The following TDRD3 variants were observed in gnomAD, a reference collection of about 807,000 sequenced individuals.
TDRD3 encodes tudor domain-containing protein 3.
TDRD3 carries 45 observed loss-of-function variants against 86.7 expected under a neutral mutation model. That is an observed-to-expected ratio of 0.52 (90% CI 0.41 to 0.67). The LOEUF (loss-of-function observed/expected upper bound fraction) is 0.67, where lower values mean the gene tolerates loss of function less well. Among genes scored for constraint, TDRD3 ranks in the 30% least tolerant of loss-of-function variants. The pLI is 0.00. For missense variants in TDRD3, 814 were observed against 889.0 expected (o/e 0.92, Z 1.07); for synonymous variants, 298 against 301.7 (o/e 0.99, Z 0.13).
chr13:60,525,714 G>A (rs1031742308), intron 10 of TDRD3, among the ~76,000 whole-genome samples: 1 of 152,060 alleles, frequency 6.6e-6, no homozygotes, highest in African/African-American at 2.4e-5. Flanking sequence ...TAAATAATAA[G>A]CTGTTCAGGA....
intron 5 of TDRD3, among the ~76,000 whole-genome samples, chr13:60,482,207 C>G (rs1956332492): frequency 6.6e-6 from 1 of 152,158 alleles, no homozygotes; most frequent in Admixed American, 6.5e-5. Context: ...CTTTCTGAAA[C>G]AGCCCCACAA....
intron 6 of TDRD3, chr13:60,484,552 T>C: frequency 2.7e-6 from 1 of 364,962 alleles, no homozygotes; most frequent in South Asian, 2.2e-5. Flanking sequence ...TGTCCAAATT[T>C]TGGTATTTAG....
intron 12 of TDRD3, among the ~76,000 whole-genome samples, chr13:60,557,235 C>G (rs1265412161): frequency 1.3e-5 from 2 of 151,028 alleles, no homozygotes. Context: ...AAAGTAGTTC[C>G]TGAAGTTCAG....
rs572627150 is a variant in TDRD3, at chr13:60,501,461, T to C, written c.858+6886T>C. Among the ~76,000 whole-genome samples the C allele has an allele frequency of 1.5e-3, 226 of 152,360 alleles. 2 individuals are homozygous for C. The highest frequency in any genetic ancestry group is 2.4e-3 in the Non-Finnish European group (162 of 68,038). ...CACTAATATAAATGGAACATTCCTT[T>C]TGGGATAAGTAGCATTGGATTTGGA... On this transcript the variant is annotated intron_variant, in intron 8 of 13. Coordinates refer to ENST00000377881, the MANE Select transcript of TDRD3 (RefSeq NM_001146070.2).
intron 2 of TDRD3, among the ~76,000 whole-genome samples, chr13:60,442,826 T>G (rs540191228): frequency 6.6e-6 from 1 of 152,010 alleles, no homozygotes; most frequent in African/African-American, 2.4e-5. Flanking sequence ...GACAGTGTCC[T>G]AGATCATATG....
chr13:60,397,269 TTTC>T lies in TDRD3; in HGVS notation c.-93_-91del, dbSNP rs931956967. The stretch of plus-strand genomic sequence containing the variant: ...CGACCAGAGGAGTTTTTTCTTTTCT[TTTC>T]TTTTTTTTTTTTTAAGGGGGGGGGT... On this transcript the variant is annotated 5_prime_UTR_variant, in exon 1 of 14. Coordinates refer to ENST00000377881, the MANE Select transcript of TDRD3 (RefSeq NM_001146070.2). 2.6e-5 allele frequency: 19 copies of T among 730,312 alleles called. No individual in the cohort carries two copies. Among genetic ancestry groups the T allele is most frequent in the African/African-American group, 1.7e-4 (9 of 51,484 alleles). 45.2% of individuals were successfully genotyped at this position (730,312 alleles called of 1,614,324 possible). A position where few individuals can be genotyped will look rare whatever the true frequency, so the allele number is the denominator to read the frequency against.
intron 12 of TDRD3, among the ~76,000 whole-genome samples, chr13:60,549,568 T>C (rs1169112190): frequency 6.6e-6 from 1 of 152,158 alleles, no homozygotes; most frequent in African/African-American, 2.4e-5. Context: ...TTGAGCATTC[T>C]AAGACACGTG....
chr13:60,415,742 T>C (rs1035827675), intron 1 of TDRD3, among the ~76,000 whole-genome samples: 16 of 152,140 alleles, frequency 1.1e-4, no homozygotes, highest in African/African-American at 3.9e-4. Flanking sequence ...GGAACTACCA[T>C]GTCCAGAGAT....
chr13:60,572,221 A>G (rs1007808110), intron 13 of TDRD3, among the ~76,000 whole-genome samples: 1 of 152,198 alleles, frequency 6.6e-6, no homozygotes, highest in Non-Finnish European at 1.5e-5. Context: ...CGAGGGAAGC[A>G]GAGTCCACAG....
intron 5 of TDRD3, among the ~76,000 whole-genome samples, chr13:60,472,017 G>A (rs1451807556): frequency 6.6e-6 from 1 of 151,896 alleles, no homozygotes; most frequent in Non-Finnish European, 1.5e-5. Context: ...TTTATATATG[G>A]CTTTTATCAG....
intron 12 of TDRD3, among the ~76,000 whole-genome samples, chr13:60,555,786 C>T (rs1958167724): frequency 6.6e-6 from 1 of 151,198 alleles, no homozygotes; most frequent in South Asian, 2.1e-4. Flanking sequence ...GAGGTATCAG[C>T]TGGTACTTTT....
intron 3 of TDRD3, among the ~76,000 whole-genome samples, chr13:60,453,672 G>C (rs1388887162): frequency 6.6e-6 from 1 of 151,900 alleles, no homozygotes; most frequent in Non-Finnish European, 1.5e-5. Context: ...GGCTGCTCTT[G>C]GCTAGATCAC....
At chr13:60,531,297 T>C (rs11619387) in intron 11 of TDRD3, among the ~76,000 whole-genome samples, 19 of 152,334 alleles carry the variant, frequency 1.2e-4, no homozygotes, top group Middle Eastern at 6.8e-3. Flanking sequence ...CAGACTACTT[T>C]CCAAAATTCA....
intron 8 of TDRD3, among the ~76,000 whole-genome samples, chr13:60,503,515 A>T (rs1309808199): frequency 2.6e-5 from 4 of 152,208 alleles, no homozygotes; most frequent in Non-Finnish European, 5.9e-5. Context: ...TCACCAAAAT[A>T]TAACTTAAAG....
Position 60,547,834 on chromosome 13 carries a change from C to T in TDRD3, c.2118+12601C>T, listed in dbSNP as rs188569492. The stretch of plus-strand genomic sequence containing the variant: ...ACTATACAGAGTGGATTATTATGAC[C>T]CCTTCTTAACCTTCCCACTCTCACC... On this transcript the variant is annotated intron_variant, in intron 12 of 13. Coordinates refer to ENST00000377881, the MANE Select transcript of TDRD3 (RefSeq NM_001146070.2). Among the ~76,000 whole-genome samples, 352 of 152,130 alleles carry T rather than the reference C, an allele frequency of 2.3e-3. 3 individuals are homozygous for T. Among genetic ancestry groups the T allele is most frequent in the African/African-American group, 8.0e-3 (332 of 41,520 alleles).
At chr13:60,496,634 A>G (rs1169401840) in intron 8 of TDRD3, among the ~76,000 whole-genome samples, 1 of 152,082 alleles carries the variant, frequency 6.6e-6, no homozygotes, top group African/African-American at 2.4e-5. Context: ...TCTATACATA[A>G]TACCTTTGAC....
chr13:60,503,995 G>T (rs1173060581), intron 8 of TDRD3, among the ~76,000 whole-genome samples: 2 of 152,016 alleles, frequency 1.3e-5, no homozygotes, highest in African/African-American at 4.8e-5. Flanking sequence ...AGAAAACCTT[G>T]CTGTGCTTTT....
chr13:60,397,783 C>T (rs1170467987), intron 1 of TDRD3, among the ~76,000 whole-genome samples: 1 of 151,658 alleles, frequency 6.6e-6, no homozygotes, highest in Non-Finnish European at 1.5e-5. Flanking sequence ...GGGGGTGTTT[C>T]TGCAGCGGGA....
At chr13:60,530,373 T>C (rs1957552421) in intron 11 of TDRD3, among the ~76,000 whole-genome samples, 1 of 152,132 alleles carries the variant, frequency 6.6e-6, no homozygotes, top group Non-Finnish European at 1.5e-5. Flanking sequence ...TAAAAACGTA[T>C]GTAAGGGAGT....
Sources: gnomAD v4.1 joint callset for allele counts (sites outside exome capture counted in the v4.1 genomes callset) on GRCh38, gnomAD v4.1.1 for gene constraint, MANE v1.5 for transcripts, NCBI Gene and HGNC (gene_info 2026-07-23, HGNC 2026-07-21) for gene names.